DLG2: variants seen among roughly 807,000 people sequenced by gnomAD.
DLG2 encodes the protein discs large MAGUK scaffold protein 2, also known as disks large homolog 2.
DLG2 carries 45 observed loss-of-function variants against 132.5 expected under a neutral mutation model. The observed-to-expected ratio is 0.34, with a 90% CI of 0.27 to 0.44. The LOEUF is 0.44. DLG2 is among the 20% of genes least tolerant of loss of function. DLG2 has a pLI of 1.00. For synonymous variants in DLG2, 424 were observed against 419.6 expected (o/e 1.01, Z -0.13); for missense variants, 1,045 against 1,196.9 (o/e 0.87, Z 1.87).
At chr11:85,439,931 T>A (rs886275803) in intron 3 of DLG2, among the ~76,000 whole-genome samples, 14 of 152,208 alleles carry the variant, frequency 9.2e-5, no homozygotes, top group Non-Finnish European at 2.1e-4. Flanking sequence ...AATAAGGTCA[T>A]AAACGCTAGA....
At chr11:84,708,527 T>C (rs2060020382) in intron 6 of DLG2, among the ~76,000 whole-genome samples, 1 of 151,818 alleles carries the variant, frequency 6.6e-6, no homozygotes. Flanking sequence ...CCTATTTATC[T>C]ACAGCCACAT....
chr11:85,393,609 T>C (rs1319655458), intron 3 of DLG2, among the ~76,000 whole-genome samples: 1 of 146,066 alleles, frequency 6.8e-6, no homozygotes. Context: ...ATGTGGTATA[T>C]ATATATATAT....
At chr11:83,940,633 C>T (rs555561251) in intron 14 of DLG2, among the ~76,000 whole-genome samples, 12 of 152,130 alleles carry the variant, frequency 7.9e-5, no homozygotes, top group Non-Finnish European at 1.8e-4. Flanking sequence ...TATACTTGCC[C>T]TCAGTGATCT....
chr11:85,430,135 C>T (rs2091066817), intron 3 of DLG2, among the ~76,000 whole-genome samples: 1 of 148,344 alleles, frequency 6.7e-6, no homozygotes, highest in African/African-American at 2.5e-5. Flanking sequence ...CACATGTTCT[C>T]ACTCATAGGT....
At chr11:85,599,455 A>G (rs1203837055) in intron 2 of DLG2, among the ~76,000 whole-genome samples, 1 of 151,976 alleles carries the variant, frequency 6.6e-6, no homozygotes, top group Admixed American at 6.6e-5. Context: ...TATACTCCCT[A>G]GAATCAGCGT....
intron 7 of DLG2, among the ~76,000 whole-genome samples, chr11:84,277,830 T>G (rs916916746): frequency 3.2e-4 from 49 of 152,226 alleles, no homozygotes; most frequent in African/African-American, 1.2e-3. Flanking sequence ...ATTATCAAAA[T>G]CAAGATGGAG....
chr11:85,592,954 GAAAGAAAAGAAAAAAAAAGA>G (rs1187375101), intron 3 of DLG2, among the ~76,000 whole-genome samples: 7 of 91,964 alleles, frequency 7.6e-5, no homozygotes, highest in South Asian at 6.9e-4. Flanking sequence ...TGAGAAAAAA[GAAAGAAAAGAAAAAAAAAGA>G]AAAGAAAAGA....
chr11:83,894,998 T>C (rs546621813), intron 15 of DLG2, among the ~76,000 whole-genome samples: 1 of 152,260 alleles, frequency 6.6e-6, no homozygotes, highest in East Asian at 1.9e-4. Context: ...TGAAAAACAA[T>C]ATGAAATTGA....
intron 7 of DLG2, among the ~76,000 whole-genome samples, chr11:84,408,713 T>C (rs1054581282): frequency 6.6e-6 from 1 of 152,212 alleles, no homozygotes; most frequent in Non-Finnish European, 1.5e-5. Context: ...AGCCCTGACC[T>C]AATGAGCCAT....
chr11:84,901,534 G>C (rs1034763390), intron 6 of DLG2, among the ~76,000 whole-genome samples: 3 of 146,980 alleles, frequency 2.0e-5, no homozygotes, highest in Non-Finnish European at 4.5e-5. Flanking sequence ...TTAAACATTT[G>C]GTGAAAGTTA....
At chr11:84,522,279 A>G (rs760653052) in intron 7 of DLG2, among the ~76,000 whole-genome samples, 2 of 152,188 alleles carry the variant, frequency 1.3e-5, no homozygotes, top group Non-Finnish European at 2.9e-5. Context: ...GAAACCAGAA[A>G]ATCTCTGGAA....
chr11:83,723,128 C>A (rs1332490105), intron 18 of DLG2, among the ~76,000 whole-genome samples: 2 of 152,138 alleles, frequency 1.3e-5, no homozygotes, highest in African/African-American at 4.8e-5. Context: ...AACCTGTAAT[C>A]CCAGCACTTT....
intron 6 of DLG2, among the ~76,000 whole-genome samples, chr11:84,857,909 G>A (rs1291741590): frequency 7.0e-6 from 1 of 142,328 alleles, no homozygotes; most frequent in East Asian, 2.1e-4. Context: ...TTTTTTCTTT[G>A]AGACAAGGTC....
At chr11:85,453,118 G>T in intron 3 of DLG2, 1 of 243,456 alleles carries the variant, frequency 4.1e-6, no homozygotes, top group Non-Finnish European at 8.5e-6. Context: ...ACAATTTGTG[G>T]ATAAGTGCAT....
chr11:84,117,846 G>GTTTT (rs2093707653), intron 9 of DLG2, among the ~76,000 whole-genome samples: 2 of 150,618 alleles, frequency 1.3e-5, no homozygotes, highest in African/African-American at 5.0e-5. Context: ...CATTTTATAG[G>GTTTT]CTTTATTTAT....
At chr11:84,297,615 C>T (rs1410172144) in intron 7 of DLG2, among the ~76,000 whole-genome samples, 1 of 152,144 alleles carries the variant, frequency 6.6e-6, no homozygotes, top group Non-Finnish European at 1.5e-5. Flanking sequence ...TCCCTCCTTC[C>T]ATTCTTGCCC....
chr11:85,157,949 A>AC (rs1384912268), intron 4 of DLG2, among the ~76,000 whole-genome samples: 2 of 151,030 alleles, frequency 1.3e-5, no homozygotes, highest in Non-Finnish European at 2.9e-5. Flanking sequence ...GAGGAGATAA[A>AC]CCCCGCACTG....
At chr11:83,763,206 T>C (rs938708230) in intron 18 of DLG2, among the ~76,000 whole-genome samples, 4 of 152,182 alleles carry the variant, frequency 2.6e-5, no homozygotes, top group Non-Finnish European at 5.9e-5. Flanking sequence ...TTTAGGCGTA[T>C]ATGTGCAGGC....
intron 6 of DLG2, among the ~76,000 whole-genome samples, chr11:85,030,486 C>T (rs539423223): frequency 2.2e-4 from 34 of 152,254 alleles, no homozygotes; most frequent in African/African-American, 7.9e-4. Flanking sequence ...ATCTTCAAAA[C>T]AGTAAGAGTA....
Sources: gnomAD v4.1 joint callset for allele counts (sites outside exome capture counted in the v4.1 genomes callset) on GRCh38, gnomAD v4.1.1 for gene constraint, MANE v1.5 for transcripts, NCBI Gene and HGNC (gene_info 2026-07-23, HGNC 2026-07-21) for gene names.